FBXO36: variants seen among roughly 807,000 people sequenced by gnomAD.
FBXO36 encodes F-box only protein 36.
In FBXO36, 18 loss-of-function variants were observed where a neutral mutation model predicts 17.0. The ratio of observed to expected loss-of-function variants is 1.06; its 90% CI spans 0.73 to 1.57. FBXO36 has a LOEUF of 1.57. Ranked by LOEUF, FBXO36 falls within the 40% of genes most tolerant of loss-of-function variation. The pLI is 0.00. For synonymous variants in FBXO36, 83 were observed against 85.3 expected, an observed-to-expected ratio of 0.97 and a Z score of 0.15; for missense variants, 229 against 221.9, an observed-to-expected ratio of 1.03 and a Z score of -0.20.
intron 1 of FBXO36, among the ~76,000 whole-genome samples, chr2:229,945,328 C>A (rs2077021197): frequency 6.6e-6 from 1 of 151,932 alleles, no homozygotes. Flanking sequence ...TTTGTTTTAG[C>A]TGGAATCTGC....
At chr2:229,959,592 T>C (rs2077110133) in intron 1 of FBXO36, among the ~76,000 whole-genome samples, 1 of 152,122 alleles carries the variant, frequency 6.6e-6, no homozygotes, top group African/African-American at 2.4e-5. Context: ...ATGCCTGGAA[T>C]CCGAGCACTT....
chr2:229,942,623 C>G (rs1560434352), intron 1 of FBXO36: 1 of 152,360 alleles, frequency 6.6e-6, no homozygotes, highest in Admixed American at 6.5e-5. Flanking sequence ...CAGCCTAGCT[C>G]CACAGGGGCA....
intron 2 of FBXO36, among the ~76,000 whole-genome samples, chr2:229,984,722 T>C (rs749338629): frequency 6.6e-6 from 1 of 152,152 alleles, no homozygotes; most frequent in Non-Finnish European, 1.5e-5. Context: ...TTGCTCTTCA[T>C]ATATTATGAT....
At chr2:229,931,947 T>C (rs1484348497) in intron 1 of FBXO36, among the ~76,000 whole-genome samples, 40 of 150,706 alleles carry the variant, frequency 2.7e-4, no homozygotes, top group Non-Finnish European at 5.3e-4. Context: ...GACAGGGTCT[T>C]GATCTGTCAC....
chr2:229,933,829 G>A (rs551253129), intron 1 of FBXO36, among the ~76,000 whole-genome samples: 1 of 152,084 alleles, frequency 6.6e-6, no homozygotes, highest in Non-Finnish European at 1.5e-5. Context: ...GGGATTACAG[G>A]CGCGCACCAC....
intron 1 of FBXO36, among the ~76,000 whole-genome samples, chr2:229,956,369 G>A (rs995456936): frequency 2.6e-5 from 4 of 152,248 alleles, no homozygotes; most frequent in Non-Finnish European, 5.9e-5. Context: ...TGAAGGTTCC[G>A]TAATTTGAGT....
intron 3 of FBXO36, among the ~76,000 whole-genome samples, chr2:229,998,872 G>A (rs1422426406): frequency 2.1e-5 from 3 of 144,086 alleles, no homozygotes; most frequent in South Asian, 2.2e-4. Context: ...GCGCGATCTC[G>A]GCTTACTACA....
chr2:229,961,430 C>G (rs2077120317), intron 1 of FBXO36, among the ~76,000 whole-genome samples: 1 of 152,020 alleles, frequency 6.6e-6, no homozygotes, highest in Non-Finnish European at 1.5e-5. Flanking sequence ...GGCTGGAGTG[C>G]AGTGGTGCGA....
At chr2:229,992,539 C>A (rs1338147339) in intron 2 of FBXO36, among the ~76,000 whole-genome samples, 2 of 152,122 alleles carry the variant, frequency 1.3e-5, no homozygotes, top group Non-Finnish European at 2.9e-5. Flanking sequence ...GCTCTTCAGG[C>A]TTTCACCAAC....
intron 3 of FBXO36, among the ~76,000 whole-genome samples, chr2:230,010,022 G>A (rs2077407151): frequency 6.6e-6 from 1 of 152,118 alleles, no homozygotes; most frequent in Non-Finnish European, 1.5e-5. Flanking sequence ...AGCACTTTGG[G>A]AGGCCAAGGT....
intron 1 of FBXO36, among the ~76,000 whole-genome samples, chr2:229,936,738 G>T (rs139621085): frequency 2.7e-4 from 41 of 152,224 alleles, no homozygotes; most frequent in African/African-American, 9.6e-4. Flanking sequence ...AAGCGTGGTG[G>T]CATGCAACTG....
intron 3 of FBXO36, among the ~76,000 whole-genome samples, chr2:230,002,304 C>T (rs1310155148): frequency 6.6e-6 from 1 of 152,000 alleles, no homozygotes; most frequent in Non-Finnish European, 1.5e-5. Flanking sequence ...TGTCCTTTTG[C>T]TGTTTTATGT....
intron 1 of FBXO36, among the ~76,000 whole-genome samples, chr2:229,969,242 G>T (rs1212309187): frequency 2.6e-5 from 4 of 151,342 alleles, no homozygotes; most frequent in South Asian, 2.1e-4. Context: ...TTGAGACAGG[G>T]TCACCCTCTG....
At chr2:229,964,606 C>T (rs2077141291) in intron 1 of FBXO36, among the ~76,000 whole-genome samples, 1 of 152,188 alleles carries the variant, frequency 6.6e-6, no homozygotes, top group Admixed American at 6.5e-5. Context: ...CCACAGCCTC[C>T]ACCTCCCGGG....
chr2:229,952,257 C>T (rs2077061419), intron 1 of FBXO36, among the ~76,000 whole-genome samples: 1 of 152,108 alleles, frequency 6.6e-6, no homozygotes, highest in Admixed American at 6.6e-5. Context: ...CCCTTAAATC[C>T]TCTTCATTCC....
chr2:229,995,122 A>G (rs2077318457), intron 2 of FBXO36, among the ~76,000 whole-genome samples: 1 of 152,178 alleles, frequency 6.6e-6, no homozygotes, highest in African/African-American at 2.4e-5. Flanking sequence ...TCAAAAAAAA[A>G]AGAGGTAGTC....
intron 1 of FBXO36, among the ~76,000 whole-genome samples, chr2:229,967,312 G>A (rs536786259): frequency 6.6e-6 from 1 of 152,248 alleles, no homozygotes; most frequent in African/African-American, 2.4e-5. Context: ...ATACAATCAT[G>A]TCGTCTGCAA....
At chr2:229,986,672 C>T (rs1417202522) in intron 2 of FBXO36, among the ~76,000 whole-genome samples, 5 of 151,080 alleles carry the variant, frequency 3.3e-5, no homozygotes, top group East Asian at 2.0e-4. Flanking sequence ...GTAGCTGGGA[C>T]TACAGGCACC....
At chr2:230,005,923 C>T (rs570370753) in intron 3 of FBXO36, among the ~76,000 whole-genome samples, 1 of 152,194 alleles carries the variant, frequency 6.6e-6, no homozygotes, top group East Asian at 1.9e-4. Context: ...CTACCTCGGC[C>T]TCCCAAAGTA....
Sources: gnomAD v4.1 joint callset for allele counts (sites outside exome capture counted in the v4.1 genomes callset) on GRCh38, gnomAD v4.1.1 for gene constraint, MANE v1.5 for transcripts, NCBI Gene and HGNC (gene_info 2026-07-23, HGNC 2026-07-21) for gene names.